The following DIAPH2 variants were observed in gnomAD, a reference collection of about 807,000 sequenced individuals.
The protein encoded by DIAPH2 is diaphanous related formin 2.
Under a neutral mutation model 92.7 loss-of-function variants are expected in DIAPH2, and 35 were observed. That is an observed-to-expected ratio of 0.38 (90% CI 0.29 to 0.50). DIAPH2 has a LOEUF of 0.50. Among genes scored for constraint, DIAPH2 ranks in the 20% least tolerant of loss-of-function variants. DIAPH2 has a pLI of 0.94. For synonymous variants in DIAPH2, 301 were observed against 280.4 expected, an observed-to-expected ratio of 1.07 and a Z score of -0.73; for missense variants, 701 against 819.5, an observed-to-expected ratio of 0.86 and a Z score of 1.77.
intron 17 of DIAPH2, among the ~76,000 whole-genome samples, chrX:96,976,325 T>C (rs1427484198): frequency 1.8e-5 from 2 of 110,212 alleles, no homozygotes; most frequent in African/African-American, 3.3e-5. Flanking sequence ...TTTCACCATG[T>C]TGCCCAGGGT....
At chrX:97,129,126 CT>C (rs774721512) in intron 21 of DIAPH2, among the ~76,000 whole-genome samples, 28 of 79,907 alleles carry the variant, frequency 3.5e-4, no homozygotes, top group South Asian at 1.7e-3. Flanking sequence ...CTTTTCTTTT[CT>C]TTTCTTTTCT....
At chrX:97,062,133 A>T in intron 17 of DIAPH2, among the ~76,000 whole-genome samples, 1 of 111,796 alleles carries the variant, frequency 8.9e-6, no homozygotes, top group East Asian at 2.8e-4. Context: ...TGATTTAAAA[A>T]TTAACGGAGT....
At chrX:97,017,300 T>C (rs746550005) in intron 17 of DIAPH2, among the ~76,000 whole-genome samples, 28 of 112,134 alleles carry the variant, frequency 2.5e-4, no homozygotes, top group South Asian at 7.5e-4. Flanking sequence ...TTTAGAATTA[T>C]CTTTTTTCTC....
intron 4 of DIAPH2, among the ~76,000 whole-genome samples, chrX:96,806,646 CA>C (rs1234663626): frequency 1.2e-3 from 40 of 34,436 alleles, no homozygotes; most frequent in South Asian, 6.7e-3. Flanking sequence ...AACTCCATCT[CA>C]AAAAAAAAAA....
chrX:97,516,248 C>A (rs1173538150), intron 26 of DIAPH2, among the ~76,000 whole-genome samples: 2 of 108,510 alleles, frequency 1.8e-5, no homozygotes, highest in Admixed American at 9.9e-5. Context: ...GAGCGAGACA[C>A]CATCTCAAAA....
intron 23 of DIAPH2, among the ~76,000 whole-genome samples, chrX:97,293,409 G>C (rs1249918119): frequency 5.5e-5 from 6 of 108,932 alleles, no homozygotes; most frequent in African/African-American, 1.0e-4. Flanking sequence ...TGCACCACCA[G>C]GCCCAGCTAA....
chrX:96,706,300 A>C (rs938890999), intron 1 of DIAPH2, among the ~76,000 whole-genome samples: 1 of 111,968 alleles, frequency 8.9e-6, no homozygotes, highest in African/African-American at 3.2e-5. Flanking sequence ...TGCATCACTC[A>C]ATTATATCCC....
At chrX:97,294,396 G>C (rs1015025671) in intron 23 of DIAPH2, among the ~76,000 whole-genome samples, 5 of 112,427 alleles carry the variant, frequency 4.4e-5, no homozygotes, top group Admixed American at 9.5e-5. Context: ...GAAAGAGGAA[G>C]TGACTTACAT....
chrX:97,356,509 T>C (rs1190319740), intron 24 of DIAPH2, among the ~76,000 whole-genome samples: 1 of 111,869 alleles, frequency 8.9e-6, no homozygotes, highest in Non-Finnish European at 1.9e-5. Flanking sequence ...ATATGGTAAC[T>C]CTATTAAGCA....
At chrX:97,332,337 T>C in intron 23 of DIAPH2, among the ~76,000 whole-genome samples, 1 of 111,873 alleles carries the variant, frequency 8.9e-6, no homozygotes, top group Non-Finnish European at 1.9e-5. Flanking sequence ...GGGCTAAATC[T>C]CTTGCCTCAG....
intron 5 of DIAPH2, among the ~76,000 whole-genome samples, chrX:96,887,557 T>TAACTA (rs1438311553): frequency 1.8e-5 from 2 of 111,847 alleles, no homozygotes; most frequent in Non-Finnish European, 3.8e-5. Context: ...GATTCTAAAT[T>TAACTA]AACTATGAAT....
intron 21 of DIAPH2, among the ~76,000 whole-genome samples, chrX:97,133,002 G>T (rs1224444704): frequency 1.8e-5 from 2 of 111,264 alleles, no homozygotes; most frequent in African/African-American, 6.5e-5. Flanking sequence ...AAAGGGGGGA[G>T]ATCCAAAAGG....
In DIAPH2 at chrX:96,965,207, G is replaced by T; in HGVS notation, c.2050G>T (p.Val684Phe). The T allele has an allele frequency of 8.7e-7, 1 of 1,146,128 alleles. No homozygotes were observed. Among genetic ancestry groups the T allele is most frequent in the South Asian group, 2.1e-5 (1 of 48,621 alleles). 94.5% of individuals were successfully genotyped at this position (1,146,128 alleles called of 1,213,427 possible). A position where few individuals can be genotyped will look rare whatever the true frequency, so the allele number is the denominator to read the frequency against. ...ATTGAATTTTGCTACTCAGATAAAA[G>T]GTACATTTTTAAAAATAAAATATAA... The part of the protein sequence containing the change: ...LALNFATQIK[V>F]QKNAEALEEK... The change falls in exon 17 of 27, where the codon GTT becomes TTT. Residue 684 changes from valine (V) to phenylalanine (F), a missense_variant and splice_region_variant. This residue lies in a region of DIAPH2 where 536 missense variants were observed against 599.3 expected (regional missense o/e 0.89). Transcript: ENST00000324765.
chrX:96,828,057 A>G (rs777559806), intron 4 of DIAPH2, among the ~76,000 whole-genome samples: 73 of 112,084 alleles, frequency 6.5e-4, no homozygotes, highest in African/African-American at 2.1e-3. Flanking sequence ...GGCGTGAGCC[A>G]CCGCGCCCAG....
intron 24 of DIAPH2, among the ~76,000 whole-genome samples, chrX:97,351,760 G>A (rs1020822301): frequency 3.6e-5 from 4 of 110,695 alleles, no homozygotes; most frequent in East Asian, 2.8e-4. Flanking sequence ...CCAAGATCAC[G>A]CCACTGTACT....
intron 4 of DIAPH2, among the ~76,000 whole-genome samples, chrX:96,824,006 A>G (rs2064796151): frequency 9.1e-6 from 1 of 109,863 alleles, no homozygotes; most frequent in Non-Finnish European, 1.9e-5. Flanking sequence ...GTATAAAGAA[A>G]GAAAATAGAT....
At chrX:96,898,621 A>G (rs1193184545) in intron 5 of DIAPH2, among the ~76,000 whole-genome samples, 1 of 107,285 alleles carries the variant, frequency 9.3e-6, no homozygotes, top group African/African-American at 3.4e-5. Flanking sequence ...TAGATTCTGG[A>G]TATTAGCCCT....
At position 97,208,977 on chromosome X, in the gene DIAPH2, ACT is replaced by A. The variant is rs771502895; in HGVS notation, c.2720-38735_2720-38734del. Among the ~76,000 whole-genome samples the A allele has an allele frequency of 1.1e-4, 12 of 109,786 alleles. No homozygotes were observed. The East Asian group carries it at 2.9e-3, about 26-fold the overall frequency. ...TACCCTTAACTTTTTAAAGTATGAT[ACT>A]CTTTCTATGTTGCTACCCTTACTAC... On this transcript the variant is annotated intron_variant, in intron 22 of 26. Transcript: ENST00000324765.
chrX:97,582,309 C>T (rs1294840505), intron 26 of DIAPH2, among the ~76,000 whole-genome samples: 10 of 59,507 alleles, frequency 1.7e-4, no homozygotes, highest in Admixed American at 4.5e-4. Context: ...CGGCTGGTAC[C>T]GGTTGTTCCT....
Sources: allele counts gnomAD v4.1 joint callset (sites outside exome capture counted in the v4.1 genomes callset), GRCh38; gene constraint gnomAD v4.1.1; regional missense constraint gnomAD v4.1.1; transcripts MANE v1.5; gene names NCBI Gene and HGNC (gene_info 2026-07-23, HGNC 2026-07-21).